The following LRBA variants were observed in gnomAD, a reference collection of about 807,000 sequenced individuals.
The protein encoded by LRBA is lipopolysaccharide-responsive and beige-like anchor protein.
Under a neutral mutation model 330.0 loss-of-function variants are expected in LRBA, and 176 were observed. The ratio of observed to expected loss-of-function variants is 0.53; its 90% CI spans 0.47 to 0.60. The LOEUF (loss-of-function observed/expected upper bound fraction) is 0.60. LRBA is among the 20% of genes least tolerant of loss of function. The pLI is 0.00. For synonymous variants in LRBA, 1,230 were observed against 1,193.0 expected, an observed-to-expected ratio of 1.03 and a Z score of -0.64; for missense variants, 3,259 against 3,444.8, an observed-to-expected ratio of 0.95 and a Z score of 1.35.
At chr4:150,889,003 C>T (rs1157826033) in intron 17 of LRBA, among the ~76,000 whole-genome samples, 2 of 152,156 alleles carry the variant, frequency 1.3e-5, no homozygotes, top group Admixed American at 1.3e-4. Flanking sequence ...TGTCTCAACT[C>T]AGAAGAGTAG....
In LRBA at chr4:150,452,626, G is replaced by GAA. The variant is rs35235439; in HGVS notation, c.6780+15045_6780+15046dup. ...AACAGAGCACGACTCCATCTCAAAGGAAAAAAAAAAAAAAGAAGGGAACTT... is the reference window on the plus strand; with the variant it reads ...AACAGAGCACGACTCCATCTCAAAGGAAAAAAAAAAAAAAAAGAAGGGAACTT... On this transcript the variant is annotated intron_variant, in intron 44 of 56. Coordinates refer to ENST00000651943, the MANE Select transcript of LRBA (RefSeq NM_001364905.1). 1.9e-3 allele frequency among the ~76,000 whole-genome samples: 255 copies of GAA among 137,088 alleles called. 2 individuals carry two copies. In the East Asian group the frequency reaches 0.028, roughly 15 times the overall value. The allele number at this position is 137,088 out of a possible 152,430, so 89.9% of individuals were successfully genotyped here.
intron 44 of LRBA, among the ~76,000 whole-genome samples, chr4:150,456,436 C>T (rs1040621194): frequency 6.6e-6 from 1 of 152,034 alleles, no homozygotes; most frequent in African/African-American, 2.4e-5. Flanking sequence ...ATGTTGAGTG[C>T]CTTTTCATAT....
At chr4:150,582,967 T>C in intron 40 of LRBA, 2 of 1,518,050 alleles carry the variant, frequency 1.3e-6, no homozygotes, top group South Asian at 1.3e-5. Flanking sequence ...CACCAGTGCG[T>C]GAGCCTTGGA....
At chr4:150,318,557 G>A (rs1328057187) in intron 50 of LRBA, among the ~76,000 whole-genome samples, 1 of 152,088 alleles carries the variant, frequency 6.6e-6, no homozygotes, top group African/African-American at 2.4e-5. Context: ...GGTAGCAAGA[G>A]ATAGAATGAA....
intron 40 of LRBA, among the ~76,000 whole-genome samples, chr4:150,575,158 C>G (rs886303481): frequency 4.0e-5 from 6 of 151,888 alleles, no homozygotes; most frequent in African/African-American, 1.4e-4. Context: ...GTTTTATATC[C>G]TAGCTTTATA....
At chr4:150,803,022 CAAAAAAA>C (rs746026878) in intron 33 of LRBA, among the ~76,000 whole-genome samples, 2 of 34,796 alleles carry the variant, frequency 5.7e-5, no homozygotes, top group African/African-American at 1.1e-4. Context: ...ACTCTGTCTC[CAAAAAAA>C]AAAAAAAAAA....
At chr4:150,306,344 T>C (rs1035492174) in intron 52 of LRBA, among the ~76,000 whole-genome samples, 9 of 152,120 alleles carry the variant, frequency 5.9e-5, no homozygotes, top group African/African-American at 2.2e-4. Flanking sequence ...TTTGCCATTA[T>C]ATATTACTGA....
At chr4:150,613,549 T>TA (rs963616108) in intron 37 of LRBA, among the ~76,000 whole-genome samples, 1 of 152,206 alleles carries the variant, frequency 6.6e-6, no homozygotes, top group African/African-American at 2.4e-5. Context: ...CAAGAGGCTA[T>TA]AGAGGGCAGG....
At chr4:150,670,628 T>C (rs1380965149) in intron 37 of LRBA, among the ~76,000 whole-genome samples, 5 of 152,244 alleles carry the variant, frequency 3.3e-5, no homozygotes, top group Non-Finnish European at 5.9e-5. Flanking sequence ...ACTGCTTCTA[T>C]GTCTTCTCAG....
intron 29 of LRBA, among the ~76,000 whole-genome samples, chr4:150,831,164 G>C (rs1747126154): frequency 6.7e-6 from 1 of 150,258 alleles, no homozygotes; most frequent in Admixed American, 6.6e-5. Flanking sequence ...AATTACTCCT[G>C]GTCATTCCTG....
intron 47 of LRBA, among the ~76,000 whole-genome samples, chr4:150,371,093 C>T (rs959281054): frequency 7.3e-5 from 11 of 151,084 alleles, no homozygotes; most frequent in African/African-American, 1.5e-4. Context: ...TTTCATATCA[C>T]GTATATGAAC....
chr4:150,929,927 T>A (rs917525912), intron 2 of LRBA, among the ~76,000 whole-genome samples: 2 of 152,234 alleles, frequency 1.3e-5, no homozygotes, highest in Non-Finnish European at 2.9e-5. Context: ...ATGATTCACC[T>A]ACGCTTCTTT....
intron 40 of LRBA, among the ~76,000 whole-genome samples, chr4:150,525,134 T>C (rs1763318210): frequency 6.6e-6 from 1 of 152,160 alleles, no homozygotes; most frequent in African/African-American, 2.4e-5. Flanking sequence ...CAGACAATAA[T>C]ATTTTTCTAT....
chr4:150,341,142 A>C (rs553904708), intron 48 of LRBA, among the ~76,000 whole-genome samples: 1 of 152,062 alleles, frequency 6.6e-6, no homozygotes, highest in Non-Finnish European at 1.5e-5. Flanking sequence ...TGGTTTCCAA[A>C]TATGTTTTAG....
At chr4:150,328,256 CACATGGAATCCAACGTGAT>C (rs1406785326) in intron 48 of LRBA, among the ~76,000 whole-genome samples, 1 of 152,132 alleles carries the variant, frequency 6.6e-6, no homozygotes. Context: ...TTACGTCAGA[CACATGGAATCCAACGTGAT>C]AGTGATAACC....
chr4:150,488,439 T>C (rs1758154681), intron 41 of LRBA, among the ~76,000 whole-genome samples: 2 of 151,666 alleles, frequency 1.3e-5, no homozygotes. Context: ...GGAACATTTT[T>C]CCTCTGCAGT....
At chr4:150,560,621 T>C (rs994825915) in intron 40 of LRBA, among the ~76,000 whole-genome samples, 3 of 152,328 alleles carry the variant, frequency 2.0e-5, no homozygotes, top group Middle Eastern at 3.4e-3. Flanking sequence ...TCAATCATTA[T>C]GAACTCCTAA....
At position 150,701,830 on chromosome 4, in the gene LRBA, A is replaced by T. The variant is rs555056464; in HGVS notation, c.5755-18113T>A. The stretch of plus-strand genomic sequence containing the variant: ...TCCATCATCTCTTCACTAAATGACA[A>T]AAGTGATCAACACAAAGTGTATATC... On this transcript the variant is annotated intron_variant, in intron 36 of 56. Coordinates refer to ENST00000651943, the MANE Select transcript of LRBA (RefSeq NM_001364905.1). Among the ~76,000 whole-genome samples, 12 of 152,324 alleles carry T rather than the reference A, an allele frequency of 7.9e-5. No individual in the cohort carries two copies. In the East Asian group the frequency reaches 2.1e-3, roughly 27 times the overall value.
At chr4:150,796,633 C>G (rs1445976815) in intron 34 of LRBA, among the ~76,000 whole-genome samples, 1 of 151,878 alleles carries the variant, frequency 6.6e-6, no homozygotes, top group African/African-American at 2.4e-5. Flanking sequence ...TTTATCTTTG[C>G]AGCTCCTAAC....
Sources: allele counts gnomAD v4.1 joint callset (sites outside exome capture counted in the v4.1 genomes callset), GRCh38; gene constraint gnomAD v4.1.1; transcripts MANE v1.5; gene names NCBI Gene and HGNC (gene_info 2026-07-23, HGNC 2026-07-21).